The following RAB25 variants were observed in gnomAD, a reference collection of about 807,000 sequenced individuals.
RAB25 encodes the protein ras-related protein Rab-25.
Under a neutral mutation model 25.2 loss-of-function variants are expected in RAB25, and 23 were observed. That is an observed-to-expected ratio of 0.91 (90% CI 0.66 to 1.29). RAB25 has a LOEUF of 1.29. Ranked by LOEUF, RAB25 falls within the 50% of genes most tolerant of loss-of-function variation. The pLI is 0.00. For synonymous variants in RAB25, 102 were observed against 111.5 expected (o/e 0.91, Z 0.54); for missense variants, 244 against 277.3 (o/e 0.88, Z 0.85).
Position 156,066,005 on chromosome 1 carries a change from G to A in RAB25, c.138G>A (p.Gly46=). 6.2e-7 allele frequency: 1 copy of A among 1,614,016 alleles called. No individual in the cohort carries two copies. Among genetic ancestry groups the A allele is most frequent in the Non-Finnish European group, 8.5e-7 (1 of 1,179,898 alleles). The part of the protein sequence containing the change: ...EFSHDSRTTI[G]VEFSTRTVML... ...GCCACGACAGCCGCACCACCATCGG[G>A]GTTGAGTTCTCCACCCGCACTGTGA... is the stretch of plus-strand genomic sequence containing the variant. The change falls in exon 2 of 5, where the codon GGG becomes GGA. Residue 46 remains glycine, a synonymous_variant. Transcript: ENST00000361084.
intron 2 of RAB25, 98 bp downstream of exon 2, chr1:156,066,204 T>C: frequency 8.1e-4 from 359 of 445,804 alleles, no homozygotes; most frequent in Middle Eastern, 1.6e-3. Context: ...GCAAGGGGGC[T>C]CAGCAGTGGG....
chr1:156,070,074 G>A lies in RAB25; in HGVS notation c.515-86G>A, dbSNP rs1018261266. On this transcript the variant is annotated intron_variant, in intron 4 of 4. Coordinates refer to ENST00000361084, the MANE Select transcript of RAB25 (RefSeq NM_020387.4). The stretch of plus-strand genomic sequence containing the variant: ...GTGGCCACCCCCCATGCTCAGAAGG[G>A]GCATGCAGTATGTATGGGGGGGTTG... 1.3e-5 allele frequency: 20 copies of A among 1,598,316 alleles called. No individual in the cohort carries two copies. In the Admixed American group the frequency reaches 2.0e-4, roughly 16 times the overall value.
At chr1:156,066,186 A>T in intron 2 of RAB25, 80 bp downstream of exon 2, 7 of 1,111,530 alleles carry the variant, frequency 6.3e-6, no homozygotes, top group Non-Finnish European at 7.0e-6. Flanking sequence ...GAAGTGGGGG[A>T]GGAGGAGGCA....
At chr1:156,069,306 G>A (rs1338123358) in intron 3 of RAB25, among the ~76,000 whole-genome samples, 7 of 151,850 alleles carry the variant, frequency 4.6e-5, no homozygotes, top group Non-Finnish European at 8.8e-5. Context: ...TCAGCCTCCC[G>A]AGTAGCTGGG....
chr1:156,066,569 A>C (rs1288202073), intron 2 of RAB25, among the ~76,000 whole-genome samples: 1 of 152,124 alleles, frequency 6.6e-6, no homozygotes, highest in Admixed American at 6.5e-5. Context: ...AGAGGACCAA[A>C]AGCTGAACCC....
In RAB25 at chr1:156,065,905, CT is replaced by C; in HGVS notation, c.44-4del. 6.3e-7 allele frequency: 1 copy of C among 1,586,974 alleles called. No individual in the cohort carries two copies. The highest frequency in any genetic ancestry group is 8.6e-7 in the Non-Finnish European group (1 of 1,162,412). On this transcript the variant is annotated splice_polypyrimidine_tract_variant and splice_region_variant and intron_variant, in intron 1 of 4. Transcript: ENST00000361084. The stretch of plus-strand genomic sequence containing the variant: ...ATGCTCAGCCCTTATCTCTCCACTC[CT>C]TCAGTGGTGCTGATCGGCGAATCAG...
In RAB25 at chr1:156,066,117, G is replaced by T; in HGVS notation, c.239+11G>T. 1 of 1,545,180 alleles carries T rather than the reference G, an allele frequency of 6.5e-7. No individual in the cohort carries two copies. Among genetic ancestry groups the T allele is most frequent in the South Asian group, 1.2e-5 (1 of 83,914 alleles). On this transcript the variant is annotated intron_variant, in intron 2 of 4. Transcript: ENST00000361084. ...AGCCATCACCTCGGCGTGAGCCCGG[G>T]CCTGGGGGGCTGCTGGGTGGTGGGA...
At chr1:156,069,243 A>G (rs923873958) in intron 3 of RAB25, among the ~76,000 whole-genome samples, 1 of 151,762 alleles carries the variant, frequency 6.6e-6, no homozygotes, top group Non-Finnish European at 1.5e-5. Flanking sequence ...GTGCAGTGGC[A>G]CGATCTTGGC....
Position 156,069,903 on chromosome 1 carries a change from C to T in RAB25, c.514+152C>T, listed in dbSNP as rs142878365. 16 of 851,258 alleles carry T rather than the reference C, an allele frequency of 1.9e-5. No individual in the cohort carries two copies. In the Middle Eastern group the frequency reaches 1.1e-3, roughly 58 times the overall value. The allele number at this position is 851,258 out of a possible 1,614,324, so 52.7% of individuals were successfully genotyped here. ...CTGCCTGTCCCCCTCAGTCCCTCCC[C>T]AGTGCCTCCCACTCAGTCTGGAGCT... is the stretch of plus-strand genomic sequence containing the variant. On this transcript the variant is annotated intron_variant, in intron 4 of 4. Transcript: ENST00000361084.
At chr1:156,064,442 G>A (rs545896651) in intron 1 of RAB25, among the ~76,000 whole-genome samples, 57 of 134,402 alleles carry the variant, frequency 4.2e-4, no homozygotes, top group African/African-American at 1.5e-3. Context: ...TTTTTGAGTC[G>A]GAGTTTCACT....
chr1:156,064,552 C>A (rs1304264613), intron 1 of RAB25, among the ~76,000 whole-genome samples: 1 of 152,018 alleles, frequency 6.6e-6, no homozygotes, highest in Admixed American at 6.6e-5. Context: ...GTAGCTGAGA[C>A]TACAGACACA....
intron 3 of RAB25, 130 bp from the exon 4 acceptor site, chr1:156,069,541 T>C: frequency 1.4e-6 from 1 of 739,006 alleles, no homozygotes; most frequent in Non-Finnish European, 2.3e-6. Flanking sequence ...TTGTAAGTTG[T>C]TTTAAGGATT....
chr1:156,068,210 C>A, intron 2 of RAB25, 60 bp from the exon 3 acceptor site: 1 of 1,437,578 alleles, frequency 7.0e-7, no homozygotes. Context: ...CGGCTCTGCT[C>A]TGATGCTGGG....
At position 156,065,538 on chromosome 1, in the gene RAB25, G is replaced by C. The variant is rs183046007; in HGVS notation, c.44-373G>C. 7.2e-5 allele frequency among the ~76,000 whole-genome samples: 11 copies of C among 152,182 alleles called. No individual in the cohort carries two copies. In the East Asian group the frequency reaches 1.7e-3, roughly 24 times the overall value. On this transcript the variant is annotated intron_variant, in intron 1 of 4. Transcript: ENST00000361084. Reference sequence around the variant, plus strand: ...TTCTCATACTCCAAGTCCTAGTCCAGAACTGTGCACCCCCTGACCTCCCAC... The same window carrying C: ...TTCTCATACTCCAAGTCCTAGTCCACAACTGTGCACCCCCTGACCTCCCAC...
Position 156,065,958 on chromosome 1 carries a change from C to T in RAB25, c.91C>T (p.Arg31Ter), listed in dbSNP as rs1647727812. The T allele has an allele frequency of 7.4e-6, 12 of 1,613,318 alleles. No individual in the cohort carries two copies. The highest frequency in any genetic ancestry group is 1.0e-5 in the Non-Finnish European group (12 of 1,179,464). Residue 31 changes from arginine to a stop codon, truncating the protein, a stop_gained, in exon 2 of 5, where the codon CGA (arginine) becomes TGA (stop). Transcript: ENST00000361084. LOFTEE classifies it high-confidence loss of function. Reference sequence around the variant, plus strand: ...TGTGGGGAAGACCAATCTACTCTCCCGATTCACGCGCAATGAGTTCAGCCA... The same window carrying T: ...TGTGGGGAAGACCAATCTACTCTCCTGATTCACGCGCAATGAGTTCAGCCA... The part of the protein sequence containing the change: ...SGVGKTNLLS[R>*]FTRNEFSHDS...
At chr1:156,064,639 T>C (rs1647689271) in intron 1 of RAB25, among the ~76,000 whole-genome samples, 1 of 152,198 alleles carries the variant, frequency 6.6e-6, no homozygotes, top group Non-Finnish European at 1.5e-5. Context: ...GGTCTCAAAC[T>C]TGTGGGCTCA....
At position 156,065,900 on chromosome 1, in the gene RAB25, C is replaced by T. The variant is rs772739102; in HGVS notation, c.44-11C>T. ...ACCCCATGCTCAGCCCTTATCTCTC[C>T]ACTCCTTCAGTGGTGCTGATCGGCG... On this transcript the variant is annotated splice_polypyrimidine_tract_variant and intron_variant, in intron 1 of 4. Transcript: ENST00000361084. 1.3e-6 allele frequency: 2 copies of T among 1,579,314 alleles called. No individual in the cohort carries two copies. Among genetic ancestry groups the T allele is most frequent in the South Asian group, 2.3e-5 (2 of 85,982 alleles).
At chr1:156,070,004 C>T in intron 4 of RAB25, 156 bp from the exon 5 acceptor site, 1 of 1,177,514 alleles carries the variant, frequency 8.5e-7, no homozygotes, top group Admixed American at 2.0e-5. Context: ...AGAAGGGACC[C>T]CTATGTCCAC....
At position 156,068,372 on chromosome 1, in the gene RAB25, T is replaced by C. The variant is rs1331543943; in HGVS notation, c.342T>C (p.Ala114=). 6.2e-7 allele frequency: 1 copy of C among 1,614,146 alleles called. No homozygotes were observed. Among genetic ancestry groups the C allele is most frequent in the East Asian group, 2.2e-5 (1 of 44,886 alleles). The change falls in exon 3 of 5, where the codon GCT becomes GCC. Residue 114 remains alanine (A), a synonymous_variant. Transcript: ENST00000361084. ...GGCTGAAGGAGCTCTATGACCATGC[T>C]GAAGCCACGATCGTCGTCATGCTCG... ...ERWLKELYDH[A]EATIVVMLVG...
Sources: allele counts gnomAD v4.1 joint callset (sites outside exome capture counted in the v4.1 genomes callset), GRCh38; gene constraint gnomAD v4.1.1; transcripts MANE v1.5; gene names NCBI Gene and HGNC (gene_info 2026-07-23, HGNC 2026-07-21).